APOD: variants seen among roughly 807,000 people sequenced by gnomAD.
The protein encoded by APOD is apo-D.
In APOD, 22 loss-of-function variants were observed where a neutral mutation model predicts 20.4. The observed-to-expected ratio is 1.08, with a 90% confidence interval of 0.77 to 1.54. The LOEUF (loss-of-function observed/expected upper bound fraction) is 1.54. Ranked by LOEUF, APOD falls within the 40% of genes most tolerant of loss-of-function variation. The probability of loss-of-function intolerance (pLI) is 0.00; values close to 1 mark genes in which losing one functional copy is unlikely to be tolerated. For synonymous variants in APOD, 97 were observed against 92.4 expected (o/e 1.05, Z -0.29); for missense variants, 223 against 229.6 (o/e 0.97, Z 0.19).
Position 195,579,457 on chromosome 3 carries a change from A to G in APOD, c.5T>C (p.Val2Ala), listed in dbSNP as rs769317335. The change falls in exon 2 of 5, where the codon GTG becomes GCG. Residue 2 changes from valine to alanine, a missense_variant. Physicochemically the swap from Val to Ala is moderately conservative, Grantham distance 64 (BLOSUM62 0). Transcript: ENST00000343267. ...TGCGGAAAGCAGCAGCAGCAGCATCACCATCTTGGGGCTGGGTGGCTGGAG... is the reference window on the plus strand; with the variant it reads ...TGCGGAAAGCAGCAGCAGCAGCATCGCCATCTTGGGGCTGGGTGGCTGGAG... MVMLLLLLSALA... is the reference protein window; with the variant it reads MAMLLLLLSALA... The G allele has an allele frequency of 2.5e-6, 4 of 1,613,124 alleles. No individual in the cohort carries two copies. The highest frequency in any genetic ancestry group is 2.5e-6 in the Non-Finnish European group (3 of 1,180,014).
At chr3:195,573,389 T>A (rs1163132359) in intron 3 of APOD, among the ~76,000 whole-genome samples, 1 of 152,158 alleles carries the variant, frequency 6.6e-6, no homozygotes, top group Non-Finnish European at 1.5e-5. Context: ...AGAGTGTGAA[T>A]GTTGTGTATG....
intron 2 of APOD, among the ~76,000 whole-genome samples, chr3:195,574,225 C>A (rs1046138040): frequency 6.6e-6 from 1 of 152,164 alleles, no homozygotes; most frequent in Non-Finnish European, 1.5e-5. Context: ...CTGTGACATT[C>A]TAGACTCTGT....
chr3:195,570,361 G>C (rs1008335077), intron 4 of APOD, among the ~76,000 whole-genome samples: 2 of 152,188 alleles, frequency 1.3e-5, no homozygotes, highest in East Asian at 1.9e-4. Flanking sequence ...ACAGTTTACA[G>C]AGCGTGTGTA....
At chr3:195,583,311 A>G (rs1720373365) in intron 1 of APOD, 1 of 152,222 alleles carries the variant, frequency 6.6e-6, no homozygotes, top group Non-Finnish European at 1.5e-5. Flanking sequence ...CTGACCTCAA[A>G]GATCTGCAGA....
At chr3:195,571,873 C>T (rs895402523) in intron 3 of APOD, among the ~76,000 whole-genome samples, 4 of 151,862 alleles carry the variant, frequency 2.6e-5, no homozygotes, top group Admixed American at 6.6e-5. Flanking sequence ...TCTGCCTCCC[C>T]GGTTCAAGCA....
intron 4 of APOD, among the ~76,000 whole-genome samples, chr3:195,569,997 C>A (rs1425651149): frequency 6.6e-6 from 1 of 151,928 alleles, no homozygotes; most frequent in Non-Finnish European, 1.5e-5. Context: ...GACAGGGTTT[C>A]ACCATGTCGG....
chr3:195,581,571 G>A (rs1363981273), intron 1 of APOD, among the ~76,000 whole-genome samples: 1 of 152,146 alleles, frequency 6.6e-6, no homozygotes, highest in Non-Finnish European at 1.5e-5. Context: ...GGGGAAGCTG[G>A]GGCCTGGAAG....
At chr3:195,576,536 G>T (rs141436862) in intron 2 of APOD, among the ~76,000 whole-genome samples, 269 of 152,324 alleles carry the variant, frequency 1.8e-3, no homozygotes, top group Non-Finnish European at 3.1e-3. Context: ...TCAGCCAGAC[G>T]CAGTGGCTCA....
At chr3:195,578,411 T>C (rs779787209) in intron 2 of APOD, among the ~76,000 whole-genome samples, 1 of 152,178 alleles carries the variant, frequency 6.6e-6, no homozygotes, top group East Asian at 1.9e-4. Flanking sequence ...GAGGTGCGAG[T>C]GTATGATAAC....
rs1452636143 is a variant in APOD, at chr3:195,571,143, G to A, written c.334+134C>T. ...CCCTAGTGCGTGACATGTAGTAAGT[G>A]TTTGACAGATAATTATGTGCTGAGT... On this transcript the variant is annotated intron_variant, in intron 4 of 4. Transcript: ENST00000343267. 8 of 823,516 alleles carry A rather than the reference G, an allele frequency of 9.7e-6. No homozygotes were observed. The East Asian group carries it at 2.0e-4, about 20-fold the overall frequency. The allele number at this position is 823,516 out of a possible 1,614,324, so 51.0% of individuals were successfully genotyped here. A position where few individuals can be genotyped will look rare whatever the true frequency, so the allele number is the denominator to read the frequency against.
intron 2 of APOD, among the ~76,000 whole-genome samples, chr3:195,575,991 G>C (rs968147622): frequency 6.6e-6 from 1 of 152,150 alleles, no homozygotes; most frequent in African/African-American, 2.4e-5. Context: ...GAAAAGAGAG[G>C]ATGCTGCACA....
intron 2 of APOD, among the ~76,000 whole-genome samples, chr3:195,578,777 G>A (rs537657881): frequency 6.6e-6 from 1 of 152,146 alleles, no homozygotes; most frequent in African/African-American, 2.4e-5. Context: ...CGTGAGCTGG[G>A]GAGGGAGATT....
chr3:195,576,667 G>A (rs537464475), intron 2 of APOD, among the ~76,000 whole-genome samples: 12 of 151,964 alleles, frequency 7.9e-5, no homozygotes, highest in African/African-American at 2.4e-4. Context: ...AAAATTAGCC[G>A]GGCATGGTGG....
At position 195,579,374 on chromosome 3, in the gene APOD, T is replaced by A; in HGVS notation, c.88A>T (p.Asn30Tyr). 6.2e-7 allele frequency: 1 copy of A among 1,614,200 alleles called. No homozygotes were observed. Among genetic ancestry groups the A allele is most frequent in the Non-Finnish European group, 8.5e-7 (1 of 1,180,032 alleles). ...GQAFHLGKCP[N>Y]PPVQENFDVN... ...TCAAAATTCTCCTGCACCGGAGGAT[T>A]GGGGCACTTCCCAAGATGAAATGCT... Residue 30 changes from asparagine (N) to tyrosine (Y), a missense_variant, in exon 2 of 5, where the codon AAT becomes TAT. Physicochemically the swap from Asn to Tyr is moderately radical, Grantham distance 143. Coordinates refer to ENST00000343267, the MANE Select transcript of APOD (RefSeq NM_001647.4).
In APOD at chr3:195,580,361, CT is replaced by C. The variant is rs1217094338; in HGVS notation, c.-34-867del. 4.3e-5 allele frequency among the ~76,000 whole-genome samples: 3 copies of C among 68,976 alleles called. No homozygotes were observed. In the East Asian group the frequency reaches 3.1e-3, roughly 72 times the overall value. The allele number at this position is 68,976 out of a possible 152,430, so 45.3% of individuals were successfully genotyped here. A position where few individuals can be genotyped will look rare whatever the true frequency, so the allele number is the denominator to read the frequency against. On this transcript the variant is annotated intron_variant, in intron 1 of 4. Transcript: ENST00000343267. ...TCTTCTTTCTTTTCTTTTCTTCTTT[CT>C]TTCTTCTTTTTTTTTTTTTGACATT...
intron 4 of APOD, among the ~76,000 whole-genome samples, chr3:195,569,973 G>C (rs1720132022): frequency 6.6e-6 from 1 of 151,412 alleles, no homozygotes; most frequent in Non-Finnish European, 1.5e-5. Context: ...CTAATTTTTT[G>C]TATCTTTAGT....
intron 3 of APOD, among the ~76,000 whole-genome samples, chr3:195,573,015 G>A (rs191572175): frequency 4.6e-5 from 7 of 152,308 alleles, no homozygotes; most frequent in East Asian, 3.9e-4. Flanking sequence ...GCTGGAGACC[G>A]TGCCCTCCTC....
rs113691865 is a variant in APOD at position 195,577,056 on chromosome 3, G to A, written c.123+2283C>T. On this transcript the variant is annotated intron_variant, in intron 2 of 4. Coordinates refer to ENST00000343267, the MANE Select transcript of APOD (RefSeq NM_001647.4). Reference sequence around the variant, plus strand: ...AAAAAACTTTGCTGGGTGTGGTGGCGTGTACCTGTAGTCCCAGCTACTTGG... The same window carrying A: ...AAAAAACTTTGCTGGGTGTGGTGGCATGTACCTGTAGTCCCAGCTACTTGG... 8.9e-3 allele frequency: 2,314 copies of A among 258,796 alleles called. 18 individuals are homozygous for A. Among genetic ancestry groups the A allele is most frequent in the Non-Finnish European group, 0.013 (1,749 of 130,226 alleles). The allele number at this position is 258,796 out of a possible 1,614,324, so 16.0% of individuals were successfully genotyped here. A position where few individuals can be genotyped will look rare whatever the true frequency, so the allele number is the denominator to read the frequency against.
chr3:195,580,353 TC>T (rs746120400), intron 1 of APOD, among the ~76,000 whole-genome samples: 5 of 103,038 alleles, frequency 4.9e-5, no homozygotes, highest in African/African-American at 2.4e-4. Context: ...TCTTTTCTTT[TC>T]TTCTTTCTTT....
Sources: gnomAD v4.1 joint callset for allele counts (sites outside exome capture counted in the v4.1 genomes callset) on GRCh38, gnomAD v4.1.1 for gene constraint, MANE v1.5 for transcripts, NCBI Gene and HGNC (gene_info 2026-07-23, HGNC 2026-07-21) for gene names.